RGS8: variants seen among roughly 807,000 people sequenced by gnomAD.
RGS8 encodes the protein regulator of G-protein signaling 8.
In RGS8, 8 loss-of-function variants were observed where a neutral mutation model predicts 21.7. That is an observed-to-expected ratio of 0.37 (90% CI 0.22 to 0.66). The LOEUF (loss-of-function observed/expected upper bound fraction) is 0.66, where lower values mean the gene tolerates loss of function less well. Ranked by LOEUF, RGS8 falls within the 30% of genes least tolerant of loss-of-function variation. The pLI is 0.59. For missense variants in RGS8, 157 were observed against 217.9 expected, an observed-to-expected ratio of 0.72 and a Z score of 1.76; for synonymous variants, 80 against 83.6, an observed-to-expected ratio of 0.96 and a Z score of 0.24.
chr1:182,684,731 G>T (rs759917828), upstream of RGS8, among the ~76,000 whole-genome samples: 2 of 152,104 alleles, frequency 1.3e-5, no homozygotes, highest in African/African-American at 2.4e-5. The surrounding 1 kb of genome is among the most constrained non-coding windows in gnomAD (Gnocchi z 4.2). Flanking sequence ...CTCCCAGCTC[G>T]CTCACAGACA....
upstream of RGS8, among the ~76,000 whole-genome samples, chr1:182,685,701 T>C (rs1664685315): frequency 2.6e-5 from 4 of 152,030 alleles, no homozygotes; most frequent in South Asian, 8.3e-4. Context: ...CTGGGCGTTC[T>C]CAGTCAAGCC....
At chr1:182,745,822 A>G in the RGS8 span, among the ~76,000 whole-genome samples, 1 of 152,038 alleles carries the variant, frequency 6.6e-6, no homozygotes, top group African/African-American at 2.4e-5. Flanking sequence ...TATCCCAGTG[A>G]TTTTTCCCAC....
At chr1:182,739,986 C>T in the RGS8 span, among the ~76,000 whole-genome samples, 3 of 152,276 alleles carry the variant, frequency 2.0e-5, no homozygotes, top group African/African-American at 4.8e-5. Flanking sequence ...CCCCAACCCC[C>T]AATTTCTATC....
exon 7 of RGS8, chr1:182,646,751 T>C: frequency 1.2e-6 from 2 of 1,612,880 alleles, no homozygotes; most frequent in South Asian, 1.1e-5. Context: ...GAGCCTCCTC[T>C]GGCTTTGGGA....
chr1:182,648,034 A>T, intron 6 of RGS8, 103 bp downstream of exon 7: 1 of 1,006,258 alleles, frequency 9.9e-7, no homozygotes, highest in Non-Finnish European at 1.4e-6. Flanking sequence ...GGCTCAGTTT[A>T]GTATAAGAAA....
intron 5 of RGS8, among the ~76,000 whole-genome samples, chr1:182,659,433 G>A (rs189480282): frequency 2.6e-5 from 4 of 152,214 alleles, no homozygotes; most frequent in East Asian, 1.9e-4. Flanking sequence ...GGGCGCGGTG[G>A]CTCACGCCTA....
chr1:182,673,980 C>T (rs538229126), upstream of RGS8, among the ~76,000 whole-genome samples: 126 of 152,278 alleles, frequency 8.3e-4, no homozygotes, highest in Admixed American at 2.5e-3. Context: ...TTTACAAAGC[C>T]AACACCTTTA....
the RGS8 span, among the ~76,000 whole-genome samples, chr1:182,702,915 C>T: frequency 6.6e-6 from 1 of 152,186 alleles, no homozygotes; most frequent in Non-Finnish European, 1.5e-5. Flanking sequence ...GAGTAAGTCA[C>T]CTCTCTAAAG....
chr1:182,685,412 C>T (rs1557905380), upstream of RGS8, among the ~76,000 whole-genome samples: 1 of 152,252 alleles, frequency 6.6e-6, no homozygotes, highest in Non-Finnish European at 1.5e-5. Context: ...CTGCCATGCA[C>T]ATGAGGCAGG....
At chr1:182,683,975 G>A (rs559704651) in intron 1 of RGS8, among the ~76,000 whole-genome samples, 11 of 152,346 alleles carry the variant, frequency 7.2e-5, no homozygotes, top group South Asian at 4.1e-4. Flanking sequence ...CAGTGTTATC[G>A]TCCAGATATC....
chr1:182,706,518 G>T, the RGS8 span, among the ~76,000 whole-genome samples: 1 of 152,026 alleles, frequency 6.6e-6, no homozygotes, highest in Non-Finnish European at 1.5e-5. Flanking sequence ...CCAGGCTGGA[G>T]TACAGTGGTA....
At chr1:182,671,479 A>G (rs1425331415) in intron 2 of RGS8, among the ~76,000 whole-genome samples, 178 bp downstream of exon 3, 1 of 152,230 alleles carries the variant, frequency 6.6e-6, no homozygotes, top group Non-Finnish European at 1.5e-5. Flanking sequence ...TACTCAAAGA[A>G]AAAATGAAAG....
the RGS8 span, among the ~76,000 whole-genome samples, chr1:182,692,109 G>A: frequency 4.6e-5 from 7 of 151,640 alleles, no homozygotes; most frequent in South Asian, 2.1e-4. Context: ...GGGTTCAAGC[G>A]ATTCTCCTGC....
chr1:182,733,904 T>C, the RGS8 span: 1 of 151,228 alleles, frequency 6.6e-6, no homozygotes, highest in Non-Finnish European at 1.5e-5. Flanking sequence ...ATTTATTTAT[T>C]TATTTATTTA....
At chr1:182,668,486 G>A (rs1486703312) in intron 3 of RGS8, among the ~76,000 whole-genome samples, 1 of 152,172 alleles carries the variant, frequency 6.6e-6, no homozygotes, top group East Asian at 1.9e-4. Flanking sequence ...TTCATCCCTG[G>A]TAATTGTCTT....
the RGS8 span, among the ~76,000 whole-genome samples, chr1:182,727,592 G>A: frequency 5.4e-3 from 818 of 152,210 alleles, 7 homozygotes; most frequent in African/African-American, 0.018. Context: ...AAGCCGTTCC[G>A]AAAGGTTACT....
chr1:182,742,640 G>A, the RGS8 span, among the ~76,000 whole-genome samples: 1 of 152,228 alleles, frequency 6.6e-6, no homozygotes, highest in Non-Finnish European at 1.5e-5. Context: ...TCGGCAAGCT[G>A]AGGCAGGAGA....
At chr1:182,736,267 G>GAGAA in the RGS8 span, among the ~76,000 whole-genome samples, 4 of 152,190 alleles carry the variant, frequency 2.6e-5, no homozygotes, top group African/African-American at 9.7e-5. Context: ...CTGGATTAAG[G>GAGAA]AACTGTCCCC....
upstream of RGS8, among the ~76,000 whole-genome samples, chr1:182,688,310 G>A (rs199960138): frequency 6.6e-6 from 1 of 152,166 alleles, no homozygotes; most frequent in East Asian, 1.9e-4. Flanking sequence ...CCTCTGCAGT[G>A]CCTGTTACTT....
Sources: allele counts gnomAD v4.1 joint callset (sites outside exome capture counted in the v4.1 genomes callset), GRCh38; gene constraint gnomAD v4.1.1; non-coding constraint Gnocchi (gnomAD v3.1); transcripts MANE v1.5; gene names NCBI Gene and HGNC (gene_info 2026-07-23, HGNC 2026-07-21).